Variants in TAFA4 observed in about 807,000 individuals in gnomAD.
TAFA4 encodes TAFA chemokine like family member 4.
In TAFA4, 20 loss-of-function variants were observed where a neutral mutation model predicts 21.1. The ratio of observed to expected loss-of-function variants is 0.95; its 90% confidence interval spans 0.67 to 1.38. The LOEUF (loss-of-function observed/expected upper bound fraction) is 1.38. Ranked by LOEUF, TAFA4 falls within the 40% of genes most tolerant of loss-of-function variation. TAFA4 has a pLI of 0.00. For missense variants in TAFA4, 211 were observed against 180.9 expected, an observed-to-expected ratio of 1.17 and a Z score of -0.95; for synonymous variants, 71 against 67.4, an observed-to-expected ratio of 1.05 and a Z score of -0.26.
chr3:68,764,042 G>C (rs1702804674), intron 3 of TAFA4, among the ~76,000 whole-genome samples: 1 of 152,088 alleles, frequency 6.6e-6, no homozygotes, highest in Non-Finnish European at 1.5e-5. Flanking sequence ...CCATCAAACT[G>C]TGTTATGAAC....
chr3:68,789,838 C>T (rs1354198468), intron 3 of TAFA4, among the ~76,000 whole-genome samples: 1 of 152,184 alleles, frequency 6.6e-6, no homozygotes, highest in East Asian at 1.9e-4. Context: ...CACATACCCA[C>T]ACACATCAAT....
chr3:68,900,622 A>G (rs2089836478), intron 1 of TAFA4, among the ~76,000 whole-genome samples: 1 of 152,166 alleles, frequency 6.6e-6, no homozygotes, highest in Admixed American at 6.5e-5. Flanking sequence ...TACTCTCGTG[A>G]GAATTCCCTA....
At chr3:68,793,528 G>T (rs1023251978) in intron 3 of TAFA4, among the ~76,000 whole-genome samples, 6 of 152,146 alleles carry the variant, frequency 3.9e-5, no homozygotes, top group Non-Finnish European at 7.4e-5. Context: ...TGCAAAAATG[G>T]CATTTTAACT....
At chr3:68,899,663 C>T in intron 1 of TAFA4, among the ~76,000 whole-genome samples, 1 of 152,084 alleles carries the variant, frequency 6.6e-6, no homozygotes, top group East Asian at 1.9e-4. Context: ...ATCCTGGCAG[C>T]AAGTATACCT....
intron 3 of TAFA4, among the ~76,000 whole-genome samples, chr3:68,794,720 G>C (rs1703423057): frequency 6.6e-6 from 1 of 152,064 alleles, no homozygotes; most frequent in African/African-American, 2.4e-5. Context: ...CATTTTGGTG[G>C]GGTAAAATAT....
Position 68,853,999 on chromosome 3 carries a change from A to G in TAFA4, c.130+26731T>C, listed in dbSNP as rs988781493. Reference sequence around the variant, plus strand: ...ATATAATTAGGAAAATCCTCTTTCAATGAGAAACTAATAAATGAAAATATA... The same window carrying G: ...ATATAATTAGGAAAATCCTCTTTCAGTGAGAAACTAATAAATGAAAATATA... On this transcript the variant is annotated intron_variant, in intron 3 of 5. Coordinates refer to ENST00000295569, the MANE Select transcript of TAFA4 (RefSeq NM_182522.5). 7.4e-4 allele frequency among the ~76,000 whole-genome samples: 113 copies of G among 152,314 alleles called. 1 individual carries two copies. Among genetic ancestry groups the G allele is most frequent in the African/African-American group, 2.6e-3 (110 of 41,576 alleles).
intron 3 of TAFA4, among the ~76,000 whole-genome samples, chr3:68,772,807 A>G (rs906658475): frequency 6.6e-6 from 1 of 152,056 alleles, no homozygotes; most frequent in African/African-American, 2.4e-5. Flanking sequence ...TCATCACATG[A>G]GCCAGTTCCC....
chr3:68,872,455 TAGAG>T (rs891024027), intron 3 of TAFA4, among the ~76,000 whole-genome samples: 10 of 151,784 alleles, frequency 6.6e-5, no homozygotes, highest in African/African-American at 1.9e-4. Context: ...AAAATGCAGT[TAGAG>T]AGAAGAAATA....
chr3:68,782,300 C>A (rs1256213543), intron 3 of TAFA4, among the ~76,000 whole-genome samples: 4 of 152,040 alleles, frequency 2.6e-5, no homozygotes, highest in African/African-American at 9.7e-5. Context: ...AATGAGATAC[C>A]ACTTCACACC....
intron 1 of TAFA4, among the ~76,000 whole-genome samples, chr3:68,922,841 G>C (rs558106172): frequency 6.6e-6 from 1 of 152,282 alleles, no homozygotes; most frequent in Non-Finnish European, 1.5e-5. Flanking sequence ...ATCAGGACAA[G>C]CTGGCTCATG....
intron 1 of TAFA4, among the ~76,000 whole-genome samples, chr3:68,914,103 C>G (rs1323931494): frequency 6.6e-6 from 1 of 152,128 alleles, no homozygotes; most frequent in Admixed American, 6.6e-5. Context: ...AGCTTTATTT[C>G]CCTAGCCAAA....
intron 4 of TAFA4, among the ~76,000 whole-genome samples, chr3:68,742,345 G>GAAAAAAATAAA (rs1553714411): frequency 1.3e-5 from 2 of 152,204 alleles, no homozygotes; most frequent in African/African-American, 4.8e-5. Context: ...TAGAAAGGAA[G>GAAAAAAATAAA]AAGTTAAATT....
At chr3:68,816,569 T>C (rs1703982834) in intron 3 of TAFA4, among the ~76,000 whole-genome samples, 1 of 152,238 alleles carries the variant, frequency 6.6e-6, no homozygotes, top group African/African-American at 2.4e-5. Context: ...GCAACTTTAC[T>C]GAATTCATTT....
At chr3:68,744,436 C>G (rs952004256) in intron 4 of TAFA4, among the ~76,000 whole-genome samples, 1 of 152,166 alleles carries the variant, frequency 6.6e-6, no homozygotes, top group African/African-American at 2.4e-5. Flanking sequence ...ATAAGGTAGA[C>G]AAAACTGGGT....
At chr3:68,860,757 A>T (rs1426233300) in intron 3 of TAFA4, among the ~76,000 whole-genome samples, 1 of 152,166 alleles carries the variant, frequency 6.6e-6, no homozygotes, top group East Asian at 1.9e-4. Flanking sequence ...AGCTAAAAAT[A>T]AAAATTAAAT....
At chr3:68,769,435 G>C (rs576500289) in intron 3 of TAFA4, among the ~76,000 whole-genome samples, 4 of 152,278 alleles carry the variant, frequency 2.6e-5, no homozygotes, top group African/African-American at 7.2e-5. Context: ...TCCCATCCCA[G>C]TGCATGGAAA....
rs546210174 is a variant in TAFA4 at position 68,809,638 on chromosome 3, G to C, written c.131-56620C>G. 1.5e-3 allele frequency among the ~76,000 whole-genome samples: 221 copies of C among 151,054 alleles called. 1 individual carries two copies. The highest frequency in any genetic ancestry group is 2.5e-3 in the Non-Finnish European group (168 of 67,906). On this transcript the variant is annotated intron_variant, in intron 3 of 5. Coordinates refer to ENST00000295569, the MANE Select transcript of TAFA4 (RefSeq NM_182522.5). Reference sequence around the variant, plus strand: ...CACAGCCAAAAAAAATTATTGCCCAGATCAGTGTCATAAAGCTTTTCCCCG... The same window carrying C: ...CACAGCCAAAAAAAATTATTGCCCACATCAGTGTCATAAAGCTTTTCCCCG...
At chr3:68,846,557 T>C (rs1198733067) in intron 3 of TAFA4, among the ~76,000 whole-genome samples, 1 of 152,106 alleles carries the variant, frequency 6.6e-6, no homozygotes, top group Non-Finnish European at 1.5e-5. Flanking sequence ...TTTTGTTCCG[T>C]TGCTGGCAAG....
chr3:68,764,460 TTAG>T (rs1702811181), intron 3 of TAFA4, among the ~76,000 whole-genome samples: 1 of 152,200 alleles, frequency 6.6e-6, no homozygotes. Flanking sequence ...ACACTGTCAC[TTAG>T]TAATTATAAC....
Sources: gnomAD v4.1 joint callset for allele counts (sites outside exome capture counted in the v4.1 genomes callset) on GRCh38, gnomAD v4.1.1 for gene constraint, MANE v1.5 for transcripts, NCBI Gene and HGNC (gene_info 2026-07-23, HGNC 2026-07-21) for gene names.